TMEM132B: variants seen among roughly 807,000 people sequenced by gnomAD.
TMEM132B encodes transmembrane protein 132B.
A neutral mutation model predicts 90.8 loss-of-function variants in TMEM132B; 18 were observed. The observed-to-expected ratio is 0.20, with a 90% CI of 0.14 to 0.29. The LOEUF (loss-of-function observed/expected upper bound fraction) is 0.29, where lower values mean the gene tolerates loss of function less well. Among genes scored for constraint, TMEM132B ranks in the 10% least tolerant of loss-of-function variants. TMEM132B has a pLI of 1.00. For missense variants in TMEM132B, 1,096 were observed against 1,326.8 expected, an observed-to-expected ratio of 0.83 and a Z score of 2.70; for synonymous variants, 504 against 523.3, an observed-to-expected ratio of 0.96 and a Z score of 0.50.
chr12:125,644,287 G>A lies in TMEM132B; in HGVS notation c.1643+6G>A. On this transcript the variant is annotated splice_donor_region_variant and intron_variant, in intron 6 of 8. Transcript: ENST00000682704. ...CCGGTTGCTGCCAACAGAAGGTGAGGAATCAAAGAGAAGGCTGTGGATCCG... is the reference window on the plus strand; with the variant it reads ...CCGGTTGCTGCCAACAGAAGGTGAGAAATCAAAGAGAAGGCTGTGGATCCG... The A allele has an allele frequency of 6.2e-7, 1 of 1,613,882 alleles. No individual in the cohort carries two copies. Among genetic ancestry groups the A allele is most frequent in the Non-Finnish European group, 8.5e-7 (1 of 1,179,930 alleles).
At chr12:125,189,669 C>T (rs568576694) in intron 1 of TMEM132B, among the ~76,000 whole-genome samples, 13 of 152,254 alleles carry the variant, frequency 8.5e-5, no homozygotes, top group South Asian at 2.1e-4. Flanking sequence ...ATTTCATCCC[C>T]TCTCCTCCCA....
intron 3 of TMEM132B, among the ~76,000 whole-genome samples, chr12:125,517,914 G>T (rs1883208884): frequency 6.6e-6 from 1 of 152,108 alleles, no homozygotes; most frequent in African/African-American, 2.4e-5. Context: ...TTGAAATTAG[G>T]ATAGTGTGAC....
chr12:125,271,476 G>C (rs1366174139), intron 1 of TMEM132B, among the ~76,000 whole-genome samples: 1 of 152,074 alleles, frequency 6.6e-6, no homozygotes. Context: ...CTTGACCCTT[G>C]GTATTTGTAG....
At chr12:125,363,691 GCA>G (rs1878033179) in intron 2 of TMEM132B, among the ~76,000 whole-genome samples, 1 of 152,128 alleles carries the variant, frequency 6.6e-6, no homozygotes, top group Non-Finnish European at 1.5e-5. Flanking sequence ...TTCAGAGGTA[GCA>G]GAATGAGCAT....
intron 2 of TMEM132B, among the ~76,000 whole-genome samples, chr12:125,369,781 G>A (rs1325867915): frequency 6.6e-6 from 1 of 152,230 alleles, no homozygotes; most frequent in African/African-American, 2.4e-5. Flanking sequence ...CGGGCGTGGT[G>A]GCTTATGCCA....
intron 5 of TMEM132B, among the ~76,000 whole-genome samples, chr12:125,619,341 TTTATTTATTTATTTATTTA>T (rs1886065489): frequency 6.2e-5 from 1 of 16,088 alleles, no homozygotes; most frequent in African/African-American, 3.5e-4. Flanking sequence ...TATTTATTTA[TTTATTTATTTATTTATTTA>T]TTTATTTATT....
intron 6 of TMEM132B, among the ~76,000 whole-genome samples, chr12:125,648,486 A>G (rs919594667): frequency 6.7e-6 from 1 of 149,156 alleles, no homozygotes; most frequent in African/African-American, 2.5e-5. Context: ...AGTTAGGAAG[A>G]TGCTAACTTC....
rs112723867 is a variant in TMEM132B at position 125,424,965 on chromosome 12, G to T, written c.1106+9288G>T. Among the ~76,000 whole-genome samples the T allele has an allele frequency of 7.5e-3, 1,149 of 152,246 alleles. 16 individuals are homozygous for T. Among genetic ancestry groups the T allele is most frequent in the African/African-American group, 0.025 (1,049 of 41,544 alleles). On this transcript the variant is annotated intron_variant, in intron 3 of 8. Transcript: ENST00000682704. ...CTTGCTGAAGGCAGCCACATATCAG[G>T]GGTGGGAGATTCCCTCTAAACAGAC...
chr12:125,523,297 G>T (rs575483493), intron 4 of TMEM132B, among the ~76,000 whole-genome samples: 2 of 152,262 alleles, frequency 1.3e-5, no homozygotes, highest in African/African-American at 4.8e-5. Flanking sequence ...CCTTCTGGAA[G>T]CTCTAGGGGA....
intron 1 of TMEM132B, among the ~76,000 whole-genome samples, chr12:125,271,098 G>T (rs780314752): frequency 3.9e-5 from 6 of 152,022 alleles, no homozygotes; most frequent in Non-Finnish European, 5.9e-5. Flanking sequence ...CTATAGGTGT[G>T]CACCACCATG....
At chr12:125,647,395 A>T (rs184617673) in intron 6 of TMEM132B, among the ~76,000 whole-genome samples, 48 of 152,364 alleles carry the variant, frequency 3.2e-4, no homozygotes, top group African/African-American at 1.1e-3. Context: ...AACCCAAAGA[A>T]ATCCATGTGA....
intron 6 of TMEM132B, among the ~76,000 whole-genome samples, chr12:125,647,998 A>G (rs968016073): frequency 1.4e-5 from 2 of 147,082 alleles, no homozygotes; most frequent in East Asian, 4.1e-4. Context: ...GGTGTGCTGC[A>G]CCCACTAACT....
intron 1 of TMEM132B, among the ~76,000 whole-genome samples, chr12:125,314,269 C>T (rs1876199806): frequency 6.6e-6 from 1 of 152,188 alleles, no homozygotes; most frequent in Non-Finnish European, 1.5e-5. Context: ...AACGAGGGCT[C>T]ACCTTCTTGG....
At chr12:125,537,658 T>G (rs1342123943) in intron 4 of TMEM132B, among the ~76,000 whole-genome samples, 2 of 152,202 alleles carry the variant, frequency 1.3e-5, no homozygotes, top group Non-Finnish European at 1.5e-5. Context: ...AGTCAGCTTC[T>G]TCCTGGATGG....
Position 125,662,156 on chromosome 12 carries a change from G to T in TMEM132B, c.*7446G>T, listed in dbSNP as rs927489260. ...CCCTTACTTTCCACATTTCTGAATTGGATTCTTGTTCCCTGGTAAACACCA... is the reference window on the plus strand; with the variant it reads ...CCCTTACTTTCCACATTTCTGAATTTGATTCTTGTTCCCTGGTAAACACCA... On this transcript the variant is annotated 3_prime_UTR_variant, in exon 9 of 9. Transcript: ENST00000682704. 9 of 152,148 alleles carry T rather than the reference G, an allele frequency of 5.9e-5. No individual in the cohort carries two copies. Among genetic ancestry groups the T allele is most frequent in the Non-Finnish European group, 1.2e-4 (8 of 68,022 alleles). 9.4% of individuals were successfully genotyped at this position (152,148 alleles called of 1,614,324 possible).
intron 1 of TMEM132B, among the ~76,000 whole-genome samples, chr12:125,311,786 A>T (rs930112651): frequency 6.6e-6 from 1 of 152,092 alleles, no homozygotes; most frequent in Non-Finnish European, 1.5e-5. Context: ...TTGGGTGGGG[A>T]ATGTGGTCCA....
At chr12:125,199,811 A>G (rs77147641) in intron 1 of TMEM132B, among the ~76,000 whole-genome samples, 5,297 of 152,208 alleles carry the variant, frequency 0.035, 108 homozygotes, top group African/African-American at 0.05. Context: ...GAAGGTATAG[A>G]TTAAAAAAAG....
In TMEM132B at chr12:125,583,913, C is replaced by T. The variant is rs773751171; in HGVS notation, c.1356C>T (p.Val452=). Reference sequence around the variant, plus strand: ...AGCCTGTTTCAGTTCCTGTCAAAGTCGTGGGGGTCCAGGAGGATGGTTCTG... The same window carrying T: ...AGCCTGTTTCAGTTCCTGTCAAAGTTGTGGGGGTCCAGGAGGATGGTTCTG... ...TGKPVSVPVK[V]VGVQEDGSVV... is the part of the protein sequence containing the mutation. Residue 452 remains valine, a synonymous_variant, in exon 5 of 9, where the codon GTC becomes GTT. Coordinates refer to ENST00000682704, the MANE Select transcript of TMEM132B (RefSeq NM_001366854.1). The T allele has an allele frequency of 8.7e-6, 14 of 1,614,076 alleles. No homozygotes were observed. Among genetic ancestry groups the T allele is most frequent in the East Asian group, 4.5e-5 (2 of 44,866 alleles).
At chr12:125,642,093 G>A (rs1269246756) in intron 5 of TMEM132B, among the ~76,000 whole-genome samples, 6 of 152,166 alleles carry the variant, frequency 3.9e-5, no homozygotes, top group African/African-American at 1.2e-4. Flanking sequence ...GAAATCAGAG[G>A]TCTTACTGAG....
Sources: allele counts gnomAD v4.1 joint callset (sites outside exome capture counted in the v4.1 genomes callset), GRCh38; gene constraint gnomAD v4.1.1; transcripts MANE v1.5; gene names NCBI Gene and HGNC (gene_info 2026-07-23, HGNC 2026-07-21).